Variants in CBL observed in about 807,000 individuals in gnomAD.
CBL encodes E3 ubiquitin-protein ligase CBL.
Under a neutral mutation model 96.9 loss-of-function variants are expected in CBL, and 45 were observed. The observed-to-expected ratio is 0.46, with a 90% CI of 0.37 to 0.60. CBL has a LOEUF of 0.60. Among genes scored for constraint, CBL ranks in the 20% least tolerant of loss-of-function variants. CBL has a pLI of 0.00. For synonymous variants in CBL, 420 were observed against 426.8 expected (o/e 0.98, Z 0.20); for missense variants, 1,024 against 1,143.5 (o/e 0.90, Z 1.51).
intron 1 of CBL, among the ~76,000 whole-genome samples, chr11:119,227,614 G>T (rs1055943244): frequency 6.6e-6 from 1 of 150,996 alleles, no homozygotes; most frequent in South Asian, 2.1e-4. Flanking sequence ...GCAATGGTGC[G>T]ATCTTGGCTC....
At chr11:119,299,200 A>G (rs1950082957) in intron 15 of CBL, among the ~76,000 whole-genome samples, 1 of 152,214 alleles carries the variant, frequency 6.6e-6, no homozygotes. Context: ...TAAAACAGAC[A>G]ATTACATGTG....
At chr11:119,219,910 C>T (rs1490134717) in intron 1 of CBL, among the ~76,000 whole-genome samples, 4 of 144,366 alleles carry the variant, frequency 2.8e-5, no homozygotes, top group African/African-American at 5.2e-5. Context: ...AGTGCAGTGG[C>T]GTGATCTCGG....
chr11:119,255,757 A>G (rs1189506955), intron 2 of CBL, among the ~76,000 whole-genome samples: 2 of 152,180 alleles, frequency 1.3e-5, no homozygotes, highest in Non-Finnish European at 1.5e-5. Flanking sequence ...TCTATAATAT[A>G]TCACAGCTTA....
At chr11:119,231,003 C>G (rs980080747) in intron 1 of CBL, among the ~76,000 whole-genome samples, 1 of 152,148 alleles carries the variant, frequency 6.6e-6, no homozygotes, top group African/African-American at 2.4e-5. Flanking sequence ...AAAGATGGTA[C>G]AAAGAATTGC....
At chr11:119,269,971 C>G (rs1417533680) in intron 2 of CBL, among the ~76,000 whole-genome samples, 6 of 151,746 alleles carry the variant, frequency 4.0e-5, no homozygotes, top group African/African-American at 1.5e-4. Flanking sequence ...CACTCCAGCC[C>G]AGGCGACAGA....
chr11:119,293,821 C>T (rs199995972), intron 12 of CBL, among the ~76,000 whole-genome samples: 3 of 152,282 alleles, frequency 2.0e-5, no homozygotes, highest in East Asian at 3.9e-4. Context: ...ATGGTGAGGG[C>T]CTTCCTGCTG....
At chr11:119,227,709 C>T (rs1949469716) in intron 1 of CBL, among the ~76,000 whole-genome samples, 1 of 152,120 alleles carries the variant, frequency 6.6e-6, no homozygotes, top group African/African-American at 2.4e-5. Context: ...GGCCACCACG[C>T]CTGGCTAATT....
rs1253290951 is a variant in CBL at position 119,237,236 on chromosome 11, T to C, written c.443+4541T>C. On this transcript the variant is annotated intron_variant, in intron 2 of 15. Coordinates refer to ENST00000264033, the MANE Select transcript of CBL (RefSeq NM_005188.4). ...TTATCTTCTTTGGAGAAACATCTAT[T>C]CAAATCCTTTGCCCATTTTAAAGTT... is the stretch of plus-strand genomic sequence containing the variant. Among the ~76,000 whole-genome samples, 20 of 152,232 alleles carry C rather than the reference T, an allele frequency of 1.3e-4. 1 individual carries two copies. The highest frequency in any genetic ancestry group is 1.5e-5 in the Non-Finnish European group (1 of 68,040).
chr11:119,210,744 G>A (rs1233591825), intron 1 of CBL, among the ~76,000 whole-genome samples: 1 of 149,912 alleles, frequency 6.7e-6, no homozygotes, highest in Admixed American at 6.7e-5. Flanking sequence ...ATGAGCCACC[G>A]CGCCTGGCTC....
intron 9 of CBL, among the ~76,000 whole-genome samples, chr11:119,282,189 T>C (rs1270981949): frequency 6.9e-6 from 1 of 145,034 alleles, no homozygotes; most frequent in Non-Finnish European, 1.5e-5. Flanking sequence ...AATACGAAAA[T>C]TAGCCAGGCA....
chr11:119,218,763 C>T (rs960723404), intron 1 of CBL, among the ~76,000 whole-genome samples: 1 of 152,094 alleles, frequency 6.6e-6, no homozygotes, highest in African/African-American at 2.4e-5. Context: ...GCTTAATGAC[C>T]CTCAAAGCAT....
At chr11:119,247,609 A>T (rs1038876124) in intron 2 of CBL, among the ~76,000 whole-genome samples, 14 of 152,170 alleles carry the variant, frequency 9.2e-5, no homozygotes, top group Admixed American at 1.3e-4. Flanking sequence ...TCAAGAGTTC[A>T]AGACTAGCCT....
At chr11:119,270,015 A>G (rs1302850195) in intron 2 of CBL, among the ~76,000 whole-genome samples, 2 of 152,024 alleles carry the variant, frequency 1.3e-5, no homozygotes, top group Non-Finnish European at 2.9e-5. Flanking sequence ...TAAATAAATA[A>G]AGTACATTTA....
At chr11:119,298,667 G>C (rs1313618088) in intron 15 of CBL, 127 bp downstream of exon 15, 2 of 859,806 alleles carry the variant, frequency 2.3e-6, no homozygotes, top group Admixed American at 1.9e-5. Flanking sequence ...TGTCTAAATG[G>C]GAGGAAAGTC....
chr11:119,287,251 G>GT (rs1298623349), intron 11 of CBL, among the ~76,000 whole-genome samples: 3 of 152,228 alleles, frequency 2.0e-5, no homozygotes, highest in African/African-American at 7.2e-5. Context: ...GGAAAAAAAG[G>GT]TAAGTACCAC....
Position 119,299,814 on chromosome 11 carries a change from C to G in CBL, c.*33C>G. The G allele has an allele frequency of 6.2e-7, 1 of 1,609,122 alleles. No homozygotes were observed. The highest frequency in any genetic ancestry group is 8.5e-7 in the Non-Finnish European group (1 of 1,177,292). ...TCTCCCTGCTGCAGGTTTAGAGGAC[C>G]AGTGAGTTGGGAGTTATTACTCAAG... On this transcript the variant is annotated 3_prime_UTR_variant, in exon 16 of 16. Coordinates refer to ENST00000264033, the MANE Select transcript of CBL (RefSeq NM_005188.4).
chr11:119,257,875 T>C (rs1242124717), intron 2 of CBL, among the ~76,000 whole-genome samples: 1 of 152,216 alleles, frequency 6.6e-6, no homozygotes, highest in East Asian at 1.9e-4. Context: ...TTTGGCTTTA[T>C]TTCTGGTTTC....
intron 1 of CBL, among the ~76,000 whole-genome samples, chr11:119,223,152 T>C (rs1420040663): frequency 1.3e-5 from 2 of 148,444 alleles, no homozygotes; most frequent in Non-Finnish European, 3.0e-5. Context: ...TGCTCCAGCC[T>C]GGGTGACAGA....
chr11:119,212,140 A>G (rs1949323629), intron 1 of CBL, among the ~76,000 whole-genome samples: 2 of 151,836 alleles, frequency 1.3e-5, no homozygotes, highest in South Asian at 4.2e-4. Flanking sequence ...GCTGGTCTCG[A>G]ACTCCTGACC....
Sources: allele counts gnomAD v4.1 joint callset (sites outside exome capture counted in the v4.1 genomes callset), GRCh38; gene constraint gnomAD v4.1.1; transcripts MANE v1.5; gene names NCBI Gene and HGNC (gene_info 2026-07-23, HGNC 2026-07-21).